The following ITGA1 variants were observed in gnomAD, a reference collection of about 807,000 sequenced individuals.
ITGA1 encodes the protein integrin alpha-1.
In ITGA1, 85 loss-of-function variants were observed where a neutral mutation model predicts 145.9. The ratio of observed to expected loss-of-function variants is 0.58; its 90% CI spans 0.49 to 0.70. The LOEUF (loss-of-function observed/expected upper bound fraction) is 0.70, where lower values mean the gene tolerates loss of function less well. Ranked by LOEUF, ITGA1 falls within the 30% of genes least tolerant of loss-of-function variation. ITGA1 has a pLI of 0.00. For missense variants in ITGA1, 1,351 were observed against 1,418.7 expected, an observed-to-expected ratio of 0.95 and a Z score of 0.77; for synonymous variants, 520 against 495.3, an observed-to-expected ratio of 1.05 and a Z score of -0.66.
At chr5:52,930,668 A>T (rs866073656) in intron 21 of ITGA1, among the ~76,000 whole-genome samples, 1 of 152,158 alleles carries the variant, frequency 6.6e-6, no homozygotes, top group Non-Finnish European at 1.5e-5. Flanking sequence ...CTTGAAGGGT[A>T]GATAGCATTT....
Position 52,924,279 on chromosome 5 carries a change from C to G in ITGA1, c.2404-999C>G, listed in dbSNP as rs1220839338. ...CTATGGAGGAGGATTTCAGAGCTCT[C>G]TAGGAACTTCCACCTAGGCTGAGAA... On this transcript the variant is annotated intron_variant, in intron 18 of 28. Transcript: ENST00000282588. Among the ~76,000 whole-genome samples, 4 of 152,150 alleles carry G rather than the reference C, an allele frequency of 2.6e-5. No homozygotes were observed. In the East Asian group the frequency reaches 7.7e-4, roughly 29 times the overall value.
chr5:52,866,862 A>G lies in ITGA1; in HGVS notation c.624+1045A>G, dbSNP rs1333201428. Among the ~76,000 whole-genome samples, 3 of 152,190 alleles carry G rather than the reference A, an allele frequency of 2.0e-5. No homozygotes were observed. In the East Asian group the frequency reaches 5.8e-4, roughly 29 times the overall value. On this transcript the variant is annotated intron_variant, in intron 6 of 28. Transcript: ENST00000282588. ...TTAAAATACAGGGCAGACATAATGG[A>G]TAACAGGCAAATAAAATGTCAAAAT... is the stretch of plus-strand genomic sequence containing the variant.
intron 9 of ITGA1, among the ~76,000 whole-genome samples, chr5:52,896,800 A>G (rs945538937): frequency 6.6e-6 from 1 of 152,166 alleles, no homozygotes; most frequent in Non-Finnish European, 1.5e-5. Context: ...GAGCTTCAAA[A>G]TGGGTACAGG....
chr5:52,800,191 G>A, intron 1 of ITGA1: 1 of 593,990 alleles, frequency 1.7e-6, no homozygotes, highest in Non-Finnish European at 3.0e-6. Flanking sequence ...GCAGCGCGCC[G>A]GGAGACTGAG....
chr5:52,921,408 C>T (rs537244961), intron 17 of ITGA1, among the ~76,000 whole-genome samples: 1 of 152,056 alleles, frequency 6.6e-6, no homozygotes, highest in Non-Finnish European at 1.5e-5. Flanking sequence ...TGTTCTTCCT[C>T]AGTGATTTTC....
chr5:52,807,493 A>C, intron 1 of ITGA1, among the ~76,000 whole-genome samples: 1 of 152,194 alleles, frequency 6.6e-6, no homozygotes, highest in East Asian at 1.9e-4. Flanking sequence ...TCCCTCAGCT[A>C]TCACCCTAAA....
In ITGA1 at chr5:52,865,852, A is replaced by G. The variant is rs200989129; in HGVS notation, c.624+35A>G. 9.9e-6 allele frequency: 15 copies of G among 1,515,150 alleles called. No homozygotes were observed. The Admixed American group carries it at 3.6e-4, about 37-fold the overall frequency. The allele number at this position is 1,515,150 out of a possible 1,614,324, so 93.9% of individuals were successfully genotyped here. A position where few individuals can be genotyped will look rare whatever the true frequency, so the allele number is the denominator to read the frequency against. On this transcript the variant is annotated intron_variant, in intron 6 of 28. Transcript: ENST00000282588. Reference sequence around the variant, plus strand: ...TTTGTGTTTTGATTTCTGTTGTTCTAAAGATAAAAATGCACAAATTTTTAA... The same window carrying G: ...TTTGTGTTTTGATTTCTGTTGTTCTGAAGATAAAAATGCACAAATTTTTAA...
At chr5:52,837,597 T>C (rs1749181212) in intron 1 of ITGA1, among the ~76,000 whole-genome samples, 1 of 152,108 alleles carries the variant, frequency 6.6e-6, no homozygotes, top group African/African-American at 2.4e-5. Context: ...GTCACTAGTG[T>C]TGTGATTCTA....
chr5:52,892,809 T>G (rs969731129), intron 8 of ITGA1, among the ~76,000 whole-genome samples: 2 of 152,022 alleles, frequency 1.3e-5, no homozygotes, highest in Non-Finnish European at 2.9e-5. Flanking sequence ...GACAGATTAT[T>G]TATCGGTGGT....
At chr5:52,836,757 G>T (rs987307556) in intron 1 of ITGA1, among the ~76,000 whole-genome samples, 1 of 151,994 alleles carries the variant, frequency 6.6e-6, no homozygotes, top group African/African-American at 2.4e-5. Context: ...CTTCTATTTT[G>T]TGCATTTTTT....
intron 1 of ITGA1, among the ~76,000 whole-genome samples, chr5:52,827,307 C>T (rs1449192939): frequency 3.3e-5 from 5 of 152,098 alleles, no homozygotes; most frequent in African/African-American, 9.7e-5. Flanking sequence ...CATGATAAAA[C>T]TTTAGTGGAT....
At chr5:52,941,392 A>T (rs964141064) in intron 26 of ITGA1, among the ~76,000 whole-genome samples, 3 of 152,188 alleles carry the variant, frequency 2.0e-5, no homozygotes, top group Admixed American at 6.5e-5. Flanking sequence ...CCCCACCAAC[A>T]GTGTATAAGC....
At chr5:52,854,203 G>C (rs1013816361) in intron 2 of ITGA1, among the ~76,000 whole-genome samples, 2 of 152,066 alleles carry the variant, frequency 1.3e-5, no homozygotes, top group African/African-American at 4.8e-5. Context: ...TTTATGCCAG[G>C]TCAGGGTACC....
intron 1 of ITGA1, among the ~76,000 whole-genome samples, chr5:52,830,448 A>G (rs994776792): frequency 6.6e-6 from 1 of 152,162 alleles, no homozygotes; most frequent in African/African-American, 2.4e-5. Flanking sequence ...ACCAGAGAGT[A>G]TACCTTAAAA....
chr5:52,934,942 T>G (rs989390867), intron 23 of ITGA1, among the ~76,000 whole-genome samples: 5 of 151,934 alleles, frequency 3.3e-5, no homozygotes, highest in Admixed American at 1.3e-4. Flanking sequence ...CCAATCACTC[T>G]ACTGGATTCT....
chr5:52,819,646 G>A (rs886779594), intron 1 of ITGA1, among the ~76,000 whole-genome samples: 2 of 152,156 alleles, frequency 1.3e-5, no homozygotes, highest in African/African-American at 4.8e-5. Context: ...AAGTTCTTTA[G>A]TTTAATTAGA....
At chr5:52,939,155 G>A (rs1042588846) in intron 24 of ITGA1, among the ~76,000 whole-genome samples, 2 of 152,046 alleles carry the variant, frequency 1.3e-5, no homozygotes, top group East Asian at 1.9e-4. Context: ...CACCCACCTC[G>A]GCCTCCCAGA....
intron 18 of ITGA1, among the ~76,000 whole-genome samples, chr5:52,923,868 G>A (rs1379499812): frequency 6.6e-6 from 1 of 152,204 alleles, no homozygotes; most frequent in Non-Finnish European, 1.5e-5. Context: ...CAGCAGTGCT[G>A]ATCCATCTCT....
chr5:52,840,909 C>T (rs1417686637), intron 1 of ITGA1, among the ~76,000 whole-genome samples: 1 of 152,126 alleles, frequency 6.6e-6, no homozygotes, highest in African/African-American at 2.4e-5. Flanking sequence ...ACTTCCTTGC[C>T]TCCTTTCCAC....
Sources: allele counts gnomAD v4.1 joint callset (sites outside exome capture counted in the v4.1 genomes callset), GRCh38; gene constraint gnomAD v4.1.1; transcripts MANE v1.5; gene names NCBI Gene and HGNC (gene_info 2026-07-23, HGNC 2026-07-21).